The following HLCS variants were observed in gnomAD, a reference collection of about 807,000 sequenced individuals.
The protein encoded by HLCS is biotin--protein ligase.
HLCS carries 53 observed loss-of-function variants against 75.0 expected under a neutral mutation model. The ratio of observed to expected loss-of-function variants is 0.71; its 90% CI spans 0.57 to 0.89. The LOEUF is 0.89. Among genes scored for constraint, HLCS ranks in the 40% least tolerant of loss-of-function variants. HLCS has a pLI of 0.00. For synonymous variants in HLCS, 431 were observed against 428.6 expected (o/e 1.01, Z -0.07); for missense variants, 966 against 1,074.0 (o/e 0.90, Z 1.41).
At chr21:36,869,269 C>A (rs1168362894) in intron 6 of HLCS, among the ~76,000 whole-genome samples, 1 of 152,010 alleles carries the variant, frequency 6.6e-6, no homozygotes, top group Admixed American at 6.5e-5. Flanking sequence ...GGACTACAGG[C>A]GCCCGCCACC....
Position 36,820,384 on chromosome 21 carries a change from TG to T in HLCS, c.1893-53100del, listed in dbSNP as rs537493974. Among the ~76,000 whole-genome samples, 53 of 152,160 alleles carry T rather than the reference TG, an allele frequency of 3.5e-4. 2 individuals are homozygous for T. In the South Asian group the frequency reaches 0.011, roughly 30 times the overall value. On this transcript the variant is annotated intron_variant, in intron 6 of 10. Coordinates refer to ENST00000674895, the MANE Select transcript of HLCS (RefSeq NM_001352514.2). ...GCCCAGCCACGGCCGGGCCGCCGAC[TG>T]GGATTCCTCGCGCTGTCAGAGGCCC...
chr21:36,901,737 G>A (rs12626368), intron 5 of HLCS, among the ~76,000 whole-genome samples: 7,915 of 152,148 alleles, frequency 0.052, 375 homozygotes, highest in East Asian at 0.23. Flanking sequence ...GACAGCAGTC[G>A]TACTGGATTA....
At chr21:36,791,516 A>G (rs1300040386) in intron 6 of HLCS, among the ~76,000 whole-genome samples, 2 of 152,228 alleles carry the variant, frequency 1.3e-5, no homozygotes, top group East Asian at 3.9e-4. Context: ...AGGAGAAAAA[A>G]TCATTTTCCC....
chr21:36,908,623 A>T (rs1157455875), intron 5 of HLCS, among the ~76,000 whole-genome samples: 3 of 152,224 alleles, frequency 2.0e-5, no homozygotes, highest in Non-Finnish European at 4.4e-5. Flanking sequence ...CTGTATGTGG[A>T]TGTTCATAGC....
intron 1 of HLCS, among the ~76,000 whole-genome samples, chr21:36,989,900 G>C (rs943976650): frequency 6.6e-6 from 1 of 152,006 alleles, no homozygotes; most frequent in Non-Finnish European, 1.5e-5. Flanking sequence ...GGGTCCCGCA[G>C]GGAAGAACGC....
intron 6 of HLCS, among the ~76,000 whole-genome samples, chr21:36,811,359 T>C (rs1328271141): frequency 1.3e-5 from 2 of 152,162 alleles, no homozygotes; most frequent in Non-Finnish European, 2.9e-5. Flanking sequence ...ATGAACAATA[T>C]ATATCACTTC....
chr21:36,871,023 A>T (rs965547347), intron 6 of HLCS, among the ~76,000 whole-genome samples: 2 of 152,176 alleles, frequency 1.3e-5, no homozygotes, highest in East Asian at 3.8e-4. Flanking sequence ...GCTGCTAATT[A>T]TATCTTTTCT....
intron 6 of HLCS, among the ~76,000 whole-genome samples, chr21:36,769,957 T>C (rs2090174517): frequency 6.6e-6 from 1 of 152,100 alleles, no homozygotes; most frequent in Admixed American, 6.6e-5. Flanking sequence ...AACAGTGTTA[T>C]AAAGGTAAAA....
chr21:36,767,018 G>A lies in HLCS; in HGVS notation c.1960+200C>T, dbSNP rs146004582. On this transcript the variant is annotated intron_variant, in intron 7 of 10. Coordinates refer to ENST00000674895, the MANE Select transcript of HLCS (RefSeq NM_001352514.2). ...CATAAGCATTATGATTTGACAGAAT[G>A]CTTTAGTTCTACTAAGGGTGAACCT... 8.8e-3 allele frequency among the ~76,000 whole-genome samples: 1,344 copies of A among 152,276 alleles called. 12 individuals are homozygous for A. The highest frequency in any genetic ancestry group is 0.013 in the Non-Finnish European group (895 of 68,028).
At chr21:36,935,830 C>T (rs2066854360) in intron 4 of HLCS, among the ~76,000 whole-genome samples, 1 of 152,214 alleles carries the variant, frequency 6.6e-6, no homozygotes, top group African/African-American at 2.4e-5. Context: ...TTCCTTTCAT[C>T]CTCTTTCCAT....
chr21:36,822,995 C>A (rs954892427), intron 6 of HLCS, among the ~76,000 whole-genome samples: 3 of 152,198 alleles, frequency 2.0e-5, no homozygotes, highest in African/African-American at 7.2e-5. Context: ...CATAACCACT[C>A]GGGTTTTCTT....
At chr21:36,972,073 G>C (rs751623515) in intron 1 of HLCS, 3 of 152,174 alleles carry the variant, frequency 2.0e-5, no homozygotes, top group Non-Finnish European at 4.4e-5. Flanking sequence ...GAAGCACAGA[G>C]TCGCGGGAGA....
At chr21:36,856,865 G>A (rs1487311766) in intron 6 of HLCS, among the ~76,000 whole-genome samples, 5 of 152,100 alleles carry the variant, frequency 3.3e-5, no homozygotes, top group African/African-American at 9.7e-5. Context: ...AGATTTACTA[G>A]CACGTAAAAC....
At chr21:36,986,597 T>C (rs2069233668) in intron 1 of HLCS, 1 of 152,244 alleles carries the variant, frequency 6.6e-6, no homozygotes, top group African/African-American at 2.4e-5. Flanking sequence ...TTTGTATTTT[T>C]AGTAGAGACA....
At chr21:36,791,628 T>C (rs2060867181) in intron 6 of HLCS, among the ~76,000 whole-genome samples, 2 of 151,948 alleles carry the variant, frequency 1.3e-5, no homozygotes. Flanking sequence ...GTTAGTACCA[T>C]GTGAGAGAAA....
chr21:36,870,728 G>A (rs1055994987), intron 6 of HLCS, among the ~76,000 whole-genome samples: 1 of 152,162 alleles, frequency 6.6e-6, no homozygotes, highest in Non-Finnish European at 1.5e-5. Context: ...TTAGCAGTGA[G>A]AATTTTCAAT....
intron 2 of HLCS, among the ~76,000 whole-genome samples, chr21:36,950,685 C>T (rs1049404977): frequency 6.6e-6 from 1 of 151,900 alleles, no homozygotes; most frequent in African/African-American, 2.4e-5. Flanking sequence ...CTATGCTGCC[C>T]AGGCTGACCA....
chr21:36,935,198 A>G lies in HLCS; in HGVS notation c.1437+1251T>C, dbSNP rs150951337. ...CTGAGAATATGCAGTTACTATAGTTACAATATTTGCAGAGAAAAAGATAAG... is the reference window on the plus strand; with the variant it reads ...CTGAGAATATGCAGTTACTATAGTTGCAATATTTGCAGAGAAAAAGATAAG... On this transcript the variant is annotated intron_variant, in intron 4 of 10. Transcript: ENST00000674895. Among the ~76,000 whole-genome samples, 516 of 152,332 alleles carry G rather than the reference A, an allele frequency of 3.4e-3. 2 individuals are homozygous for G. Among genetic ancestry groups the G allele is most frequent in the African/African-American group, 0.011 (453 of 41,572 alleles).
At chr21:36,799,975 G>A (rs1314615169) in intron 6 of HLCS, among the ~76,000 whole-genome samples, 1 of 152,196 alleles carries the variant, frequency 6.6e-6, no homozygotes, top group East Asian at 1.9e-4. Flanking sequence ...CGCAAGCCCC[G>A]TGAGGAAAAT....
Sources: allele counts gnomAD v4.1 joint callset (sites outside exome capture counted in the v4.1 genomes callset), GRCh38; gene constraint gnomAD v4.1.1; transcripts MANE v1.5; gene names NCBI Gene and HGNC (gene_info 2026-07-23, HGNC 2026-07-21).